Variants in BANK1 observed in about 807,000 individuals in gnomAD.
BANK1 encodes B cell scaffold protein with ankyrin repeats 1.
Under a neutral mutation model 94.5 loss-of-function variants are expected in BANK1, and 95 were observed. The observed-to-expected ratio is 1.00, with a 90% CI of 0.85 to 1.19. BANK1 has a LOEUF of 1.19. BANK1 is among the 50% of genes most tolerant of loss of function. The pLI, the probability that BANK1 is intolerant of heterozygous loss-of-function variation, is 0.00. For missense variants in BANK1, 987 were observed against 932.2 expected (o/e 1.06, Z -0.77); for synonymous variants, 334 against 308.4 (o/e 1.08, Z -0.87).
chr4:102,063,002 G>T, intron 12 of BANK1, 73 bp from the exon 13 acceptor site: 1 of 1,170,796 alleles, frequency 8.5e-7, no homozygotes, highest in Non-Finnish European at 1.3e-6. Flanking sequence ...ATTGCTAATA[G>T]TAGTTGATGT....
At chr4:101,859,018 T>C (rs1727778836) in intron 3 of BANK1, among the ~76,000 whole-genome samples, 1 of 152,162 alleles carries the variant, frequency 6.6e-6, no homozygotes, top group African/African-American at 2.4e-5. Flanking sequence ...GATTACCTTT[T>C]TGCCCGTTCA....
At chr4:102,069,593 G>A (rs1359906874) in intron 13 of BANK1, among the ~76,000 whole-genome samples, 1 of 152,082 alleles carries the variant, frequency 6.6e-6, no homozygotes, top group Admixed American at 6.5e-5. Flanking sequence ...TCCATTCCAG[G>A]TTTTTTTCCA....
intron 7 of BANK1, among the ~76,000 whole-genome samples, chr4:102,010,192 G>A (rs1401939631): frequency 6.6e-6 from 1 of 151,678 alleles, no homozygotes; most frequent in Non-Finnish European, 1.5e-5. Flanking sequence ...GTGAACCCGG[G>A]AGGCAGAGCT....
intron 2 of BANK1, among the ~76,000 whole-genome samples, chr4:101,831,632 G>A (rs186720846): frequency 6.6e-6 from 1 of 152,126 alleles, no homozygotes; most frequent in Non-Finnish European, 1.5e-5. Flanking sequence ...GCACCACCAT[G>A]CCTGGCTAAT....
chr4:101,902,841 G>A (rs1722327359), intron 6 of BANK1, among the ~76,000 whole-genome samples: 2 of 152,304 alleles, frequency 1.3e-5, no homozygotes, highest in South Asian at 4.1e-4. Context: ...TTAGTCAAAG[G>A]TCCTGGAAGA....
chr4:101,994,060 G>A (rs1336766007), intron 7 of BANK1, among the ~76,000 whole-genome samples: 1 of 152,204 alleles, frequency 6.6e-6, no homozygotes, highest in African/African-American at 2.4e-5. Flanking sequence ...CTGGGCTTCT[G>A]TTTCTTTATC....
intron 13 of BANK1, 131 bp downstream of exon 13, chr4:102,063,269 T>C: frequency 1.4e-6 from 1 of 730,144 alleles, no homozygotes; most frequent in Admixed American, 2.9e-5. Flanking sequence ...CTGGAGAGGG[T>C]CTTAATCTCT....
intron 7 of BANK1, among the ~76,000 whole-genome samples, chr4:101,946,150 A>G (rs2148912241): frequency 6.6e-6 from 1 of 152,152 alleles, no homozygotes; most frequent in South Asian, 2.1e-4. Flanking sequence ...ACACAAACCA[A>G]TAAAATTTTA....
In BANK1 at chr4:102,044,293, G is replaced by C. The variant is rs912155707; in HGVS notation, c.1969+386G>C. Among the ~76,000 whole-genome samples the C allele has an allele frequency of 7.2e-5, 11 of 151,986 alleles. 1 individual carries two copies. In the South Asian group the frequency reaches 1.0e-3, roughly 14 times the overall value. On this transcript the variant is annotated intron_variant, in intron 11 of 16. Transcript: ENST00000322953. Reference sequence around the variant, plus strand: ...GAGAACATGCGGTGTTTGGTTTTTTGTTCTTGCGACAGTTTACTGAGAATG... The same window carrying C: ...GAGAACATGCGGTGTTTGGTTTTTTCTTCTTGCGACAGTTTACTGAGAATG...
intron 1 of BANK1, among the ~76,000 whole-genome samples, chr4:101,821,828 G>C (rs2148859736): frequency 6.6e-6 from 1 of 152,216 alleles, no homozygotes; most frequent in Admixed American, 6.5e-5. Context: ...GGCCATACAG[G>C]AAAGCAGCCA....
At chr4:102,038,425 C>T (rs183861231) in intron 10 of BANK1, among the ~76,000 whole-genome samples, 1 of 152,262 alleles carries the variant, frequency 6.6e-6, no homozygotes, top group East Asian at 1.9e-4. Context: ...TATGTCCATA[C>T]TTATACCATT....
intron 2 of BANK1, among the ~76,000 whole-genome samples, chr4:101,843,403 C>T (rs576300329): frequency 1.4e-4 from 21 of 152,280 alleles, no homozygotes; most frequent in African/African-American, 4.8e-4. Flanking sequence ...GCACTTTCTT[C>T]ATATTATCCT....
At chr4:102,007,827 A>T (rs1726356325) in intron 7 of BANK1, among the ~76,000 whole-genome samples, 1 of 152,124 alleles carries the variant, frequency 6.6e-6, no homozygotes, top group Non-Finnish European at 1.5e-5. Context: ...ACTGTATCAC[A>T]CAATTTTAAA....
chr4:102,036,668 G>T (rs1462754063), intron 10 of BANK1: 1 of 152,194 alleles, frequency 6.6e-6, no homozygotes, highest in Non-Finnish European at 1.5e-5. Context: ...CTGCAAAGGA[G>T]AAATTATTCT....
intron 7 of BANK1, among the ~76,000 whole-genome samples, chr4:102,013,217 C>T (rs1229922570): frequency 6.6e-6 from 1 of 152,028 alleles, no homozygotes; most frequent in African/African-American, 2.4e-5. Context: ...GAGCCAAGTT[C>T]CTTAATCAAT....
chr4:101,826,797 G>A (rs544174727), intron 1 of BANK1, among the ~76,000 whole-genome samples: 36 of 152,032 alleles, frequency 2.4e-4, no homozygotes, highest in African/African-American at 7.9e-4. Flanking sequence ...AAAAAAAGTT[G>A]TTGAATATCT....
At chr4:101,986,508 A>G (rs1343457220) in intron 7 of BANK1, among the ~76,000 whole-genome samples, 1 of 152,010 alleles carries the variant, frequency 6.6e-6, no homozygotes. Flanking sequence ...CTTTAAAAAT[A>G]TGGATGATAA....
intron 7 of BANK1, among the ~76,000 whole-genome samples, chr4:101,991,121 A>T (rs1349422700): frequency 6.6e-6 from 1 of 152,220 alleles, no homozygotes; most frequent in Non-Finnish European, 1.5e-5. Context: ...TACAATAGTC[A>T]TGTAACTCAC....
chr4:101,993,194 G>T (rs1725766804), intron 7 of BANK1, among the ~76,000 whole-genome samples: 1 of 152,144 alleles, frequency 6.6e-6, no homozygotes, highest in Non-Finnish European at 1.5e-5. Flanking sequence ...CTGTAAGTAT[G>T]CATGTCTGCA....
Sources: allele counts gnomAD v4.1 joint callset (sites outside exome capture counted in the v4.1 genomes callset), GRCh38; gene constraint gnomAD v4.1.1; transcripts MANE v1.5; gene names NCBI Gene and HGNC (gene_info 2026-07-23, HGNC 2026-07-21).